Variants in PTPRQ observed in about 807,000 individuals in gnomAD.
PTPRQ encodes the protein protein tyrosine phosphatase receptor type Q.
In PTPRQ, 199 loss-of-function variants were observed where a neutral mutation model predicts 246.0. The ratio of observed to expected loss-of-function variants is 0.81; its 90% CI spans 0.72 to 0.91. The LOEUF (loss-of-function observed/expected upper bound fraction) is 0.91. Ranked by LOEUF, PTPRQ falls within the 40% of genes least tolerant of loss-of-function variation. The pLI is 0.00. For missense variants in PTPRQ, 2,624 were observed against 2,528.4 expected, an observed-to-expected ratio of 1.04 and a Z score of -0.81; for synonymous variants, 869 against 853.2, an observed-to-expected ratio of 1.02 and a Z score of -0.32.
chr12:80,641,134 G>A (rs1899840946), intron 35 of PTPRQ, among the ~76,000 whole-genome samples: 1 of 152,122 alleles, frequency 6.6e-6, no homozygotes, highest in Admixed American at 6.5e-5. Flanking sequence ...TTTCTCCACT[G>A]ACCAATGGGT....
intron 26 of PTPRQ, among the ~76,000 whole-genome samples, chr12:80,601,964 G>T (rs1466636188): frequency 6.6e-6 from 1 of 151,696 alleles, no homozygotes; most frequent in Non-Finnish European, 1.5e-5. Context: ...CTTAGTTGTT[G>T]CAGAAACTGT....
At chr12:80,599,764 G>T (rs546756320) in intron 26 of PTPRQ, among the ~76,000 whole-genome samples, 70 of 151,066 alleles carry the variant, frequency 4.6e-4, no homozygotes, top group Non-Finnish European at 9.3e-4. Context: ...TGGGCATTTT[G>T]GTGTTCTAAA....
rs1900298602 is a variant in PTPRQ, at chr12:80,652,832, C to T, written c.6113C>T (p.Pro2038Leu). The change falls in exon 38 of 45, where the codon CCA becomes CTA. Residue 2038 changes from proline to leucine, a missense_variant and splice_region_variant. Pro to Leu is a moderately conservative substitution (Grantham distance 98). Transcript: ENST00000644991. ...RAKNRFPNIK[P>L]YNNNRVKLIA... ...AAAAACCGCTTCCCAAACATAAAAC[C>T]ATGTATGTGCATTTGTTGGTTTTGG... 1 of 1,490,228 alleles carries T rather than the reference C, an allele frequency of 6.7e-7. No individual in the cohort carries two copies. Among genetic ancestry groups the T allele is most frequent in the Non-Finnish European group, 8.9e-7 (1 of 1,120,508 alleles). The allele number at this position is 1,490,228 out of a possible 1,614,324, so 92.3% of individuals were successfully genotyped here.
At chr12:80,658,697 G>GT (rs879759285) in intron 39 of PTPRQ, among the ~76,000 whole-genome samples, 128 of 151,252 alleles carry the variant, frequency 8.5e-4, no homozygotes, top group African/African-American at 2.3e-3. Flanking sequence ...CAGTTGTTGG[G>GT]TTTTTTTTTA....
intron 38 of PTPRQ, among the ~76,000 whole-genome samples, chr12:80,653,590 CTG>C (rs1281596754): frequency 2.0e-5 from 3 of 152,064 alleles, no homozygotes; most frequent in Non-Finnish European, 4.4e-5. Context: ...TAATATACAT[CTG>C]TGTGTGTATA....
In PTPRQ at chr12:80,652,833, A is replaced by G. The variant is rs1277541466; in HGVS notation, c.6114A>G (p.Pro2038=). ...AAAACCGCTTCCCAAACATAAAACC[A>G]TGTATGTGCATTTGTTGGTTTTGGT... ...RAKNRFPNIK[P]YNNNRVKLIA... is the part of the protein sequence containing the mutation. Residue 2038 remains proline (P), a splice_region_variant and synonymous_variant, in exon 38 of 45, where the codon CCA becomes CCG. Coordinates refer to ENST00000644991, the MANE Select transcript of PTPRQ (RefSeq NM_001145026.2). 3.4e-6 allele frequency: 5 copies of G among 1,490,318 alleles called. No homozygotes were observed. Among genetic ancestry groups the G allele is most frequent in the African/African-American group, 1.4e-5 (1 of 69,952 alleles). 92.3% of individuals were successfully genotyped at this position (1,490,318 alleles called of 1,614,324 possible).
chr12:80,670,232 T>G, intron 41 of PTPRQ, 112 bp from the exon 42 acceptor site: 1 of 1,418,714 alleles, frequency 7.0e-7, no homozygotes. Flanking sequence ...TTATTTGGTT[T>G]GGTAAATAGT....
At chr12:80,549,386 C>T (rs2120869681) in intron 24 of PTPRQ, 79 bp from the exon 25 acceptor site, 1 of 1,413,710 alleles carries the variant, frequency 7.1e-7, no homozygotes, top group Middle Eastern at 1.8e-4. Context: ...ACAGATGTAT[C>T]TAGTGATCAC....
intron 37 of PTPRQ, 73 bp downstream of exon 37, chr12:80,649,742 T>G: frequency 2.0e-6 from 3 of 1,479,838 alleles, no homozygotes; most frequent in Non-Finnish European, 2.7e-6. Context: ...ATGTCCATTT[T>G]AAGCAAGCAA....
intron 26 of PTPRQ, 83 bp downstream of exon 26, chr12:80,588,535 T>C: frequency 3.9e-6 from 5 of 1,266,744 alleles, no homozygotes; most frequent in Non-Finnish European, 5.0e-6. Context: ...CTTAATCTAA[T>C]TGTGTGTAAA....
At chr12:80,526,786 C>G (rs1394973548) in intron 17 of PTPRQ, among the ~76,000 whole-genome samples, 3 of 151,890 alleles carry the variant, frequency 2.0e-5, no homozygotes, top group Non-Finnish European at 2.9e-5. Context: ...AGGACTTTCT[C>G]TAAGAAATGA....
chr12:80,461,707 AG>A (rs1049871021), intron 6 of PTPRQ, among the ~76,000 whole-genome samples: 1 of 148,156 alleles, frequency 6.7e-6, no homozygotes, highest in African/African-American at 2.5e-5. Context: ...AATTATTGGT[AG>A]GGTAATTTCA....
intron 17 of PTPRQ, among the ~76,000 whole-genome samples, chr12:80,521,543 G>C (rs1895486950): frequency 6.6e-6 from 1 of 152,114 alleles, no homozygotes; most frequent in Non-Finnish European, 1.5e-5. Flanking sequence ...TTTTGTGTAA[G>C]TTGTAAGGAA....
chr12:80,477,993 A>G (rs986475470), intron 8 of PTPRQ, among the ~76,000 whole-genome samples: 1 of 152,256 alleles, frequency 6.6e-6, no homozygotes, highest in Non-Finnish European at 1.5e-5. Context: ...AGGTAAACAA[A>G]GCAGCCTGGA....
intron 23 of PTPRQ, among the ~76,000 whole-genome samples, chr12:80,545,292 T>G (rs1896270931): frequency 6.6e-6 from 1 of 152,154 alleles, no homozygotes; most frequent in Admixed American, 6.6e-5. Flanking sequence ...AAAGAATGAC[T>G]GAAATAAAGA....
At chr12:80,624,403 C>T (rs186905560) in intron 33 of PTPRQ, among the ~76,000 whole-genome samples, 1 of 152,312 alleles carries the variant, frequency 6.6e-6, no homozygotes, top group Non-Finnish European at 1.5e-5. Flanking sequence ...GGACTCTCTC[C>T]TGAGATACAG....
intron 14 of PTPRQ, among the ~76,000 whole-genome samples, chr12:80,498,361 T>A (rs1894692525): frequency 6.6e-6 from 1 of 152,164 alleles, no homozygotes; most frequent in South Asian, 2.1e-4. Flanking sequence ...GAAAACTAAG[T>A]CTAACGAAAA....
rs1468710029 is a variant in PTPRQ, at chr12:80,445,683, C to G, written c.356C>G (p.Thr119Ser). 2 of 1,548,082 alleles carry G rather than the reference C, an allele frequency of 1.3e-6. No homozygotes were observed. Among genetic ancestry groups the G allele is most frequent in the African/African-American group, 1.4e-5 (1 of 72,870 alleles). ...CCAGACAGTCTGGAAGTTCTTCTTA[C>G]TAATCTTAATCCTGGAACAACATAT... Reference protein sequence around the residue: ...SKPDSLEVLLTNLNPGTTYEI... With the variant: ...SKPDSLEVLLSNLNPGTTYEI... The change falls in exon 3 of 45, where the codon ACT (threonine) becomes AGT (serine). Residue 119 changes from threonine to serine, a missense_variant. By Grantham distance (58) the Thr-to-Ser change is moderately conservative. Transcript: ENST00000644991.
At chr12:80,546,334 G>T (rs968758537) in intron 23 of PTPRQ, among the ~76,000 whole-genome samples, 2 of 151,866 alleles carry the variant, frequency 1.3e-5, no homozygotes, top group Non-Finnish European at 2.9e-5. Context: ...CAATTATGAG[G>T]TTCTTCAGGG....
Sources: gnomAD v4.1 joint callset for allele counts (sites outside exome capture counted in the v4.1 genomes callset) on GRCh38, gnomAD v4.1.1 for gene constraint, MANE v1.5 for transcripts, NCBI Gene and HGNC (gene_info 2026-07-23, HGNC 2026-07-21) for gene names.